HPSE2: variants seen among roughly 807,000 people sequenced by gnomAD.
HPSE2 encodes inactive heparanase-2.
HPSE2 carries 38 observed loss-of-function variants against 60.5 expected under a neutral mutation model. The ratio of observed to expected loss-of-function variants is 0.63; its 90% CI spans 0.48 to 0.82. The LOEUF (loss-of-function observed/expected upper bound fraction) is 0.82. HPSE2 is among the 40% of genes least tolerant of loss of function. The probability of loss-of-function intolerance (pLI) is 0.00; values close to 1 mark genes in which losing one functional copy is unlikely to be tolerated. For synonymous variants in HPSE2, 295 were observed against 293.2 expected, an observed-to-expected ratio of 1.01 and a Z score of -0.06; for missense variants, 713 against 740.4, an observed-to-expected ratio of 0.96 and a Z score of 0.43.
At chr10:98,714,058 T>C (rs1948736008) in intron 5 of HPSE2, among the ~76,000 whole-genome samples, 1 of 151,950 alleles carries the variant, frequency 6.6e-6, no homozygotes, top group South Asian at 2.1e-4. Context: ...CTTTCTTGTT[T>C]TGGGATCTGG....
At chr10:98,849,003 C>T (rs982883052) in intron 3 of HPSE2, among the ~76,000 whole-genome samples, 5 of 146,082 alleles carry the variant, frequency 3.4e-5, no homozygotes, top group African/African-American at 1.1e-4. Context: ...CGCCCACAGT[C>T]GAGTGGGAAA....
At chr10:99,176,515 G>C (rs1847532148) in intron 2 of HPSE2, among the ~76,000 whole-genome samples, 1 of 151,934 alleles carries the variant, frequency 6.6e-6, no homozygotes, top group Non-Finnish European at 1.5e-5. Flanking sequence ...GTGGAAGAAA[G>C]GATATCAGAG....
At chr10:98,575,316 C>T (rs1432487283) in intron 9 of HPSE2, among the ~76,000 whole-genome samples, 2 of 152,104 alleles carry the variant, frequency 1.3e-5, no homozygotes, top group Non-Finnish European at 2.9e-5. Flanking sequence ...TACCCATTTT[C>T]CACACAGCAC....
intron 3 of HPSE2, among the ~76,000 whole-genome samples, chr10:98,773,547 C>T (rs1347760926): frequency 1.3e-5 from 2 of 152,248 alleles, no homozygotes; most frequent in South Asian, 2.1e-4. Flanking sequence ...TGGAAAGGGA[C>T]ATTTTGGCAA....
chr10:98,641,819 C>T (rs1447452401), intron 7 of HPSE2, 28 bp downstream of exon 7: 2 of 1,543,432 alleles, frequency 1.3e-6, no homozygotes, highest in African/African-American at 2.7e-5. Flanking sequence ...AGAATCGCTC[C>T]TTTTCTTCCC....
intron 2 of HPSE2, among the ~76,000 whole-genome samples, chr10:99,203,244 G>A (rs1382660657): frequency 6.6e-6 from 1 of 151,876 alleles, no homozygotes; most frequent in Admixed American, 6.6e-5. Flanking sequence ...GGCCAGGATA[G>A]CCCCAGTGAC....
chr10:99,229,044 G>A (rs938355393), intron 2 of HPSE2, among the ~76,000 whole-genome samples: 6 of 151,780 alleles, frequency 4.0e-5, no homozygotes, highest in African/African-American at 9.7e-5. Flanking sequence ...GCATGGTGAC[G>A]CACACCTGTA....
chr10:98,851,361 T>C (rs1952170184), intron 3 of HPSE2, among the ~76,000 whole-genome samples: 1 of 147,622 alleles, frequency 6.8e-6, no homozygotes, highest in Non-Finnish European at 1.5e-5. Flanking sequence ...TTCTCACTTA[T>C]CCTTAACCTC....
chr10:98,460,296 C>G (rs1176781318), intron 11 of HPSE2, among the ~76,000 whole-genome samples: 1 of 152,136 alleles, frequency 6.6e-6, no homozygotes, highest in African/African-American at 2.4e-5. Context: ...GGAAGGGAGA[C>G]AGAGACATAG....
At chr10:99,140,400 A>C (rs1011157074) in intron 3 of HPSE2, among the ~76,000 whole-genome samples, 2 of 152,226 alleles carry the variant, frequency 1.3e-5, no homozygotes, top group African/African-American at 4.8e-5. Flanking sequence ...CTACAGTTTC[A>C]AGCTGTCTGG....
intron 6 of HPSE2, among the ~76,000 whole-genome samples, chr10:98,645,829 C>G (rs552013532): frequency 6.6e-6 from 1 of 151,950 alleles, no homozygotes; most frequent in Non-Finnish European, 1.5e-5. Context: ...ATACAATTAG[C>G]CGGGGCGTGG....
intron 9 of HPSE2, among the ~76,000 whole-genome samples, chr10:98,582,650 C>T (rs1216820560): frequency 6.6e-6 from 1 of 152,302 alleles, no homozygotes; most frequent in African/African-American, 2.4e-5. Context: ...TGAAGTTTTG[C>T]TCTCTGCAGT....
chr10:98,630,203 T>G (rs929115658), intron 7 of HPSE2, among the ~76,000 whole-genome samples: 2 of 149,704 alleles, frequency 1.3e-5, no homozygotes, highest in African/African-American at 2.5e-5. Flanking sequence ...TTGTTTTTTT[T>G]TTTTTTGTTT....
intron 6 of HPSE2, among the ~76,000 whole-genome samples, chr10:98,680,568 C>G (rs1283042499): frequency 6.6e-6 from 1 of 152,046 alleles, no homozygotes; most frequent in Non-Finnish European, 1.5e-5. Flanking sequence ...TGGAATAAAA[C>G]AAAAATGTCA....
intron 3 of HPSE2, among the ~76,000 whole-genome samples, chr10:99,125,191 A>G (rs545056706): frequency 1.3e-5 from 2 of 152,332 alleles, no homozygotes; most frequent in South Asian, 4.1e-4. Flanking sequence ...GGAAAGCTTT[A>G]CGCTCCCAAA....
At chr10:98,957,661 C>T (rs1955544414) in intron 3 of HPSE2, among the ~76,000 whole-genome samples, 1 of 152,140 alleles carries the variant, frequency 6.6e-6, no homozygotes, top group South Asian at 2.1e-4. Flanking sequence ...AATAACGTGG[C>T]TCTGGTTCTT....
chr10:98,742,429 T>C (rs896110548), intron 4 of HPSE2, among the ~76,000 whole-genome samples: 3 of 151,432 alleles, frequency 2.0e-5, no homozygotes, highest in Non-Finnish European at 2.9e-5. Flanking sequence ...TCCAAACAAA[T>C]ATGGGTTAGC....
intron 3 of HPSE2, among the ~76,000 whole-genome samples, chr10:99,104,978 G>A (rs893951354): frequency 3.8e-4 from 57 of 151,808 alleles, no homozygotes; most frequent in African/African-American, 1.2e-3. Context: ...GAGTTAATGG[G>A]TGCAGCACAC....
intron 9 of HPSE2, among the ~76,000 whole-genome samples, chr10:98,536,833 C>A (rs540552334): frequency 6.6e-6 from 1 of 152,098 alleles, no homozygotes; most frequent in South Asian, 2.1e-4. Context: ...ACAAATAAAC[C>A]ACATTCAAGG....
Sources: allele counts gnomAD v4.1 joint callset (sites outside exome capture counted in the v4.1 genomes callset), GRCh38; gene constraint gnomAD v4.1.1; transcripts MANE v1.5; gene names NCBI Gene and HGNC (gene_info 2026-07-23, HGNC 2026-07-21).